STRBP: variants seen among roughly 807,000 people sequenced by gnomAD.
STRBP encodes spermatid perinuclear RNA-binding protein.
STRBP carries 13 observed loss-of-function variants against 80.1 expected under a neutral mutation model. The ratio of observed to expected loss-of-function variants is 0.16; its 90% confidence interval spans 0.11 to 0.26. The LOEUF (loss-of-function observed/expected upper bound fraction) is 0.26, where lower values mean the gene tolerates loss of function less well. Among genes scored for constraint, STRBP ranks in the 10% least tolerant of loss-of-function variants. The pLI is 1.00. For missense variants in STRBP, 485 were observed against 815.2 expected (o/e 0.59, Z 4.93); for synonymous variants, 284 against 291.2 (o/e 0.98, Z 0.25).
rs147802300 is a variant in STRBP, at chr9:123,152,577, C to T, written c.1046-4707G>A. On this transcript the variant is annotated intron_variant, in intron 11 of 18. Transcript: ENST00000348403. Reference sequence around the variant, plus strand: ...TACAAACTATTGACACACACAACAACTTGGATGGACCCTAAGGGCATTATG... The same window carrying T: ...TACAAACTATTGACACACACAACAATTTGGATGGACCCTAAGGGCATTATG... Among the ~76,000 whole-genome samples, 589 of 151,996 alleles carry T rather than the reference C, an allele frequency of 3.9e-3. 2 individuals are homozygous for T. Among genetic ancestry groups the T allele is most frequent in the Non-Finnish European group, 6.2e-3 (423 of 67,972 alleles).
intron 13 of STRBP, among the ~76,000 whole-genome samples, chr9:123,140,223 C>A (rs963717681): frequency 6.6e-5 from 10 of 152,280 alleles, no homozygotes; most frequent in Admixed American, 6.5e-4. Flanking sequence ...ATCTTTGAAC[C>A]AACTTGCCTG....
At chr9:123,239,537 C>T (rs1301837011) in intron 1 of STRBP, among the ~76,000 whole-genome samples, 2 of 152,130 alleles carry the variant, frequency 1.3e-5, no homozygotes, top group South Asian at 4.1e-4. Context: ...AAACTTAGGA[C>T]CAGGGCACAG....
intron 2 of STRBP, among the ~76,000 whole-genome samples, chr9:123,219,547 A>G (rs2040006335): frequency 6.6e-6 from 1 of 152,252 alleles, no homozygotes; most frequent in Admixed American, 6.5e-5. Flanking sequence ...GGCCAGAATT[A>G]TGTCCCAAAA....
chr9:123,192,011 G>A (rs1564284590), intron 2 of STRBP, among the ~76,000 whole-genome samples: 2 of 152,302 alleles, frequency 1.3e-5, no homozygotes, highest in African/African-American at 2.4e-5. Flanking sequence ...ACAGCATTTC[G>A]AATAGATTGG....
At chr9:123,261,940 G>A (rs2041168851) in intron 1 of STRBP, among the ~76,000 whole-genome samples, 1 of 152,136 alleles carries the variant, frequency 6.6e-6, no homozygotes, top group South Asian at 2.1e-4. Flanking sequence ...TGTTTAATGA[G>A]TTTCAGATTT....
At chr9:123,187,787 C>T (rs1194980334) in intron 2 of STRBP, among the ~76,000 whole-genome samples, 1 of 141,960 alleles carries the variant, frequency 7.0e-6, no homozygotes, top group South Asian at 2.2e-4. Context: ...ACCCACCACA[C>T]ATAGTTTCTC....
At chr9:123,209,217 T>C (rs2540074) in intron 2 of STRBP, among the ~76,000 whole-genome samples, 58,130 of 152,150 alleles carry the variant, frequency 0.38, 18,040 homozygotes, top group African/African-American at 0.83. Context: ...GTTTCTACTA[T>C]ATATCAAGAC....
chr9:123,150,103 T>C (rs568551746), intron 11 of STRBP, among the ~76,000 whole-genome samples: 1 of 151,514 alleles, frequency 6.6e-6, no homozygotes, highest in South Asian at 2.1e-4. Flanking sequence ...GGAGAAAGAG[T>C]CCCAGGCAGA....
At position 123,115,171 on chromosome 9, in the gene STRBP, A is replaced by G. The variant is rs1193553138; in HGVS notation, c.*84+758T>C. ...GCTCATCCTCTCGGGTCCCACAGCAAGGCCCTTCACACTCCCCAAGTGGGC... is the reference window on the plus strand; with the variant it reads ...GCTCATCCTCTCGGGTCCCACAGCAGGGCCCTTCACACTCCCCAAGTGGGC... On this transcript the variant is annotated intron_variant and NMD_transcript_variant, in intron 3 of 3. Coordinates refer to the STRBP transcript ENST00000471564. The surrounding 1 kb of genome is among the most constrained non-coding windows in gnomAD (Gnocchi z 5.0). 1 of 468,904 alleles carries G rather than the reference A, an allele frequency of 2.1e-6. No homozygotes were observed. Among genetic ancestry groups the G allele is most frequent in the African/African-American group, 2.0e-5 (1 of 50,032 alleles). 29.0% of individuals were successfully genotyped at this position (468,904 alleles called of 1,614,324 possible).
intron 3 of STRBP, chr9:123,109,898 C>T (rs1440144661): frequency 6.6e-6 from 1 of 152,222 alleles, no homozygotes; most frequent in Non-Finnish European, 1.5e-5. Flanking sequence ...ATACTATTTA[C>T]ACTTGCGTAT....
intron 1 of STRBP, among the ~76,000 whole-genome samples, chr9:123,266,178 C>T (rs2041262144): frequency 1.3e-5 from 2 of 152,160 alleles, no homozygotes; most frequent in South Asian, 2.1e-4. Context: ...ACTCTTGGTG[C>T]GCTCCTCGTG....
Position 123,145,167 on chromosome 9 carries a change from T to C in STRBP, c.1338+1688A>G, listed in dbSNP as rs75668408. ...CCATTAACAATTTCCTCAAATCCAGTGTCATTCAGATCATAACTGATATCT... is the reference window on the plus strand; with the variant it reads ...CCATTAACAATTTCCTCAAATCCAGCGTCATTCAGATCATAACTGATATCT... On this transcript the variant is annotated intron_variant, in intron 13 of 18. Coordinates refer to ENST00000348403, the MANE Select transcript of STRBP (RefSeq NM_018387.5). Among the ~76,000 whole-genome samples, 840 of 152,326 alleles carry C rather than the reference T, an allele frequency of 5.5e-3. 30 individuals carry two copies. In the East Asian group the frequency reaches 0.081, roughly 15 times the overall value.
At chr9:123,251,557 G>A (rs1488231459) in intron 1 of STRBP, among the ~76,000 whole-genome samples, 4 of 152,270 alleles carry the variant, frequency 2.6e-5, no homozygotes, top group East Asian at 1.9e-4. Flanking sequence ...ATGTCCCTGA[G>A]TGAGTCACAA....
intron 2 of STRBP, among the ~76,000 whole-genome samples, chr9:123,230,742 C>T (rs974883176): frequency 6.6e-6 from 1 of 152,126 alleles, no homozygotes; most frequent in East Asian, 1.9e-4. Flanking sequence ...TAAGACATGG[C>T]CATTTCAGTT....
chr9:123,247,240 A>T (rs1286906600), intron 1 of STRBP, among the ~76,000 whole-genome samples: 1 of 152,128 alleles, frequency 6.6e-6, no homozygotes, highest in Non-Finnish European at 1.5e-5. Context: ...GTAACAGAAG[A>T]CAGAGAGGTG....
At chr9:123,230,957 C>A (rs965775162) in intron 2 of STRBP, among the ~76,000 whole-genome samples, 7 of 152,152 alleles carry the variant, frequency 4.6e-5, no homozygotes, top group Non-Finnish European at 5.9e-5. Flanking sequence ...AGTTCTAAAG[C>A]AATTACAAAA....
In STRBP at chr9:123,126,988, G is replaced by C. The variant is rs1198929144; in HGVS notation, c.1942+1226C>G. Among the ~76,000 whole-genome samples, 1 of 152,164 alleles carries C rather than the reference G, an allele frequency of 6.6e-6. No homozygotes were observed. Among genetic ancestry groups the C allele is most frequent in the African/African-American group, 2.4e-5 (1 of 41,432 alleles). On this transcript the variant is annotated intron_variant, in intron 18 of 18. Coordinates refer to ENST00000348403, the MANE Select transcript of STRBP (RefSeq NM_018387.5). This position sits in a 1 kb window ranked among gnomAD's most constrained non-coding sequence, Gnocchi z 4.4. Reference sequence around the variant, plus strand: ...GTCTCCAATTCCTAGTTACCCATACGGCTCAGTTCAAAATATGGGGAAGCC... The same window carrying C: ...GTCTCCAATTCCTAGTTACCCATACCGCTCAGTTCAAAATATGGGGAAGCC...
chr9:123,259,962 A>C (rs1314413406), intron 1 of STRBP, among the ~76,000 whole-genome samples: 1 of 152,228 alleles, frequency 6.6e-6, no homozygotes. Flanking sequence ...TTTTCAGTAG[A>C]GTGGTGGGGT....
At chr9:123,248,261 G>GTCTTT (rs2040839017) in intron 1 of STRBP, among the ~76,000 whole-genome samples, 1 of 75,414 alleles carries the variant, frequency 1.3e-5, no homozygotes, top group Non-Finnish European at 2.4e-5. Flanking sequence ...CCCCTATCGT[G>GTCTTT]TTTTTTTTTT....
Sources: allele counts gnomAD v4.1 joint callset (sites outside exome capture counted in the v4.1 genomes callset), GRCh38; gene constraint gnomAD v4.1.1; non-coding constraint Gnocchi (gnomAD v3.1); transcripts MANE v1.5; gene names NCBI Gene and HGNC (gene_info 2026-07-23, HGNC 2026-07-21).